Variants in AFF3 observed in about 807,000 individuals in gnomAD.
AFF3 encodes AF4/FMR2 family member 3.
AFF3 carries 32 observed loss-of-function variants against 129.7 expected under a neutral mutation model. The observed-to-expected ratio is 0.25, with a 90% CI of 0.19 to 0.33. The LOEUF (loss-of-function observed/expected upper bound fraction) is 0.33, where lower values mean the gene tolerates loss of function less well. AFF3 is among the 10% of genes least tolerant of loss of function. The pLI, the probability that AFF3 is intolerant of heterozygous loss-of-function variation, is 1.00. For synonymous variants in AFF3, 644 were observed against 635.4 expected, an observed-to-expected ratio of 1.01 and a Z score of -0.20; for missense variants, 1,373 against 1,592.0, an observed-to-expected ratio of 0.86 and a Z score of 2.34.
chr2:99,571,654 T>C (rs540071029), intron 18 of AFF3, among the ~76,000 whole-genome samples: 1 of 152,282 alleles, frequency 6.6e-6, no homozygotes, highest in Non-Finnish European at 1.5e-5. Flanking sequence ...AACGAACACA[T>C]TTGTTAGAAC....
At chr2:100,110,255 T>G (rs1185062192) in intron 2 of AFF3, 1 of 152,262 alleles carries the variant, frequency 6.6e-6, no homozygotes, top group Non-Finnish European at 1.5e-5. Flanking sequence ...AACCTTTTCT[T>G]GTTTAAAGGT....
chr2:100,124,201 A>G (rs1692094819), intron 2 of AFF3, among the ~76,000 whole-genome samples: 1 of 152,218 alleles, frequency 6.6e-6, no homozygotes, highest in Non-Finnish European at 1.5e-5. Context: ...TGCGTCTAGG[A>G]GATTTAACAT....
At position 99,822,779 on chromosome 2, in the gene AFF3, C is replaced by T. The variant is rs34208889; in HGVS notation, c.921+14698G>A. Among the ~76,000 whole-genome samples, 1,254 of 152,276 alleles carry T rather than the reference C, an allele frequency of 8.2e-3. 9 individuals are homozygous for T. Among genetic ancestry groups the T allele is most frequent in the Non-Finnish European group, 0.01 (704 of 68,020 alleles). ...CATCACAGTGGGCTCCTCATCCATA[C>T]GGTAACTAGCCAACCTCCAAAAGAG... is the stretch of plus-strand genomic sequence containing the variant. On this transcript the variant is annotated intron_variant, in intron 8 of 24. Transcript: ENST00000672756.
At chr2:99,773,952 C>T (rs779531603) in intron 8 of AFF3, among the ~76,000 whole-genome samples, 21 of 152,156 alleles carry the variant, frequency 1.4e-4, no homozygotes, top group Admixed American at 9.2e-4. Flanking sequence ...AGCTGAGAAC[C>T]AAATCATGAA....
chr2:100,125,304 T>C (rs2309750), intron 2 of AFF3, among the ~76,000 whole-genome samples: 52,225 of 151,912 alleles, frequency 0.34, 10,824 homozygotes, highest in African/African-American at 0.58. Context: ...ATATCCTCAA[T>C]TTTCATATTA....
chr2:99,782,247 C>G (rs1684470947), intron 8 of AFF3, among the ~76,000 whole-genome samples: 1 of 152,160 alleles, frequency 6.6e-6, no homozygotes, highest in Non-Finnish European at 1.5e-5. Flanking sequence ...TAGACCCTAC[C>G]AAAAGCCCTT....
At chr2:100,073,691 T>C (rs911292465) in intron 4 of AFF3, among the ~76,000 whole-genome samples, 3 of 152,228 alleles carry the variant, frequency 2.0e-5, no homozygotes, top group Non-Finnish European at 2.9e-5. Flanking sequence ...TCATATATCA[T>C]AGTCAGAAGT....
intron 8 of AFF3, among the ~76,000 whole-genome samples, chr2:99,782,059 A>G (rs1684452000): frequency 6.6e-6 from 1 of 152,276 alleles, no homozygotes; most frequent in East Asian, 1.9e-4. Context: ...CACACTAAAA[A>G]CGATCGCTTC....
intron 4 of AFF3, among the ~76,000 whole-genome samples, chr2:100,033,374 T>C (rs1264927516): frequency 2.6e-5 from 4 of 152,242 alleles, no homozygotes; most frequent in Non-Finnish European, 5.9e-5. Context: ...ATCTGAGCTA[T>C]GATAAGCTTA....
At chr2:100,005,445 T>G (rs1458542665) in intron 7 of AFF3, among the ~76,000 whole-genome samples, 1 of 152,224 alleles carries the variant, frequency 6.6e-6, no homozygotes, top group African/African-American at 2.4e-5. Flanking sequence ...GGAATTTATT[T>G]GCTGCTACCA....
intron 16 of AFF3, among the ~76,000 whole-genome samples, chr2:99,585,108 G>C (rs1677963909): frequency 6.6e-6 from 1 of 152,210 alleles, no homozygotes; most frequent in Non-Finnish European, 1.5e-5. Context: ...CTAAGATGCT[G>C]ATGCTGAAGA....
At chr2:99,968,904 T>G (rs924114199) in intron 7 of AFF3, among the ~76,000 whole-genome samples, 3 of 152,194 alleles carry the variant, frequency 2.0e-5, no homozygotes, top group Non-Finnish European at 4.4e-5. Flanking sequence ...GTGCCAAAAT[T>G]TAGCAATGTG....
chr2:100,080,434 A>AAAAC (rs369129881), intron 4 of AFF3, among the ~76,000 whole-genome samples: 1,935 of 152,148 alleles, frequency 0.013, 43 homozygotes, highest in African/African-American at 0.043. Flanking sequence ...GCTGAAACTA[A>AAAAC]AAACAAACAA....
At chr2:100,073,634 G>A (rs541922294) in intron 4 of AFF3, among the ~76,000 whole-genome samples, 1 of 152,308 alleles carries the variant, frequency 6.6e-6, no homozygotes, top group Non-Finnish European at 1.5e-5. Flanking sequence ...GAAACACAGA[G>A]CACCAAATAA....
intron 7 of AFF3, among the ~76,000 whole-genome samples, chr2:99,992,480 T>C (rs1380121067): frequency 6.6e-6 from 1 of 152,240 alleles, no homozygotes; most frequent in African/African-American, 2.4e-5. Flanking sequence ...TTATACTTAC[T>C]TCAATCAAAT....
intron 7 of AFF3, among the ~76,000 whole-genome samples, chr2:99,837,951 C>T (rs186047921): frequency 6.6e-4 from 100 of 152,266 alleles, no homozygotes; most frequent in African/African-American, 2.2e-3. Flanking sequence ...ATGGTTGCTA[C>T]GGCTTAAGTA....
intron 12 of AFF3, among the ~76,000 whole-genome samples, chr2:99,672,175 TTCTCACACACACAC>T (rs1227078056): frequency 2.9e-5 from 4 of 139,512 alleles, no homozygotes; most frequent in East Asian, 2.1e-4. Flanking sequence ...GCCAGTTAGC[TTCTCACACACACAC>T]ACACACACAC....
chr2:99,818,392 C>T (rs1288718950), intron 8 of AFF3, among the ~76,000 whole-genome samples: 1 of 152,136 alleles, frequency 6.6e-6, no homozygotes, highest in South Asian at 2.1e-4. Context: ...TAAAACTGTA[C>T]ATCAATGAAA....
At chr2:100,015,455 G>A (rs62149315) in intron 4 of AFF3, among the ~76,000 whole-genome samples, 255 of 152,242 alleles carry the variant, frequency 1.7e-3, no homozygotes, top group Non-Finnish European at 3.1e-3. Flanking sequence ...AGAGAAGAAC[G>A]TTCCCCAGAA....
Sources: gnomAD v4.1 joint callset for allele counts (sites outside exome capture counted in the v4.1 genomes callset) on GRCh38, gnomAD v4.1.1 for gene constraint, MANE v1.5 for transcripts, NCBI Gene and HGNC (gene_info 2026-07-23, HGNC 2026-07-21) for gene names.